Variants in ABCA8 observed in about 807,000 individuals in gnomAD.
The protein encoded by ABCA8 is ABC-type organic anion transporter ABCA8.
In ABCA8, 177 loss-of-function variants were observed where a neutral mutation model predicts 192.3. That is an observed-to-expected ratio of 0.92 (90% CI 0.81 to 1.04). The LOEUF (loss-of-function observed/expected upper bound fraction) is 1.04. Ranked by LOEUF, ABCA8 falls within the 50% of genes least tolerant of loss-of-function variation. The pLI, the probability that ABCA8 is intolerant of heterozygous loss-of-function variation, is 0.00. For synonymous variants in ABCA8, 642 were observed against 690.2 expected, an observed-to-expected ratio of 0.93 and a Z score of 1.09; for missense variants, 1,915 against 1,904.8, an observed-to-expected ratio of 1.01 and a Z score of -0.10.
chr17:68,927,576 A>G (rs775122139), intron 10 of ABCA8, among the ~76,000 whole-genome samples: 4 of 152,148 alleles, frequency 2.6e-5, no homozygotes, highest in Non-Finnish European at 4.4e-5. Context: ...CCATCGAGCT[A>G]AACAGTTAGA....
intron 27 of ABCA8, 167 bp from the exon 28 acceptor site, chr17:68,884,563 G>T: frequency 7.6e-7 from 1 of 1,316,082 alleles, no homozygotes; most frequent in Non-Finnish European, 9.7e-7. Context: ...TCCTCCCAAG[G>T]TCTATGAGCT....
chr17:68,934,968 A>T (rs1027738816), intron 5 of ABCA8, among the ~76,000 whole-genome samples: 8 of 151,810 alleles, frequency 5.3e-5, no homozygotes, highest in African/African-American at 1.9e-4. Flanking sequence ...AATTCCTATT[A>T]ATGTCCTTTT....
intron 21 of ABCA8, among the ~76,000 whole-genome samples, chr17:68,899,409 G>A (rs2066849139): frequency 6.6e-6 from 1 of 151,896 alleles, no homozygotes; most frequent in South Asian, 2.1e-4. Context: ...GCAGAAGGTG[G>A]AACAATACAT....
At chr17:68,888,383 TA>T (rs886146606) in intron 24 of ABCA8, among the ~76,000 whole-genome samples, 1 of 152,130 alleles carries the variant, frequency 6.6e-6, no homozygotes, top group Non-Finnish European at 1.5e-5. Context: ...TTTTTTCTTT[TA>T]AAAAATACTT....
At position 68,875,677 on chromosome 17, in the gene ABCA8, T is replaced by G. The variant is rs1224784029; in HGVS notation, c.4427A>C (p.His1476Pro). Residue 1476 changes from histidine to proline, a missense_variant, in exon 36 of 40, where the codon CAC becomes CCC. Coordinates refer to ENST00000586539, the MANE Select transcript of ABCA8 (RefSeq NM_001288985.2). ...CACGGCCTCAGCCTCTGCCATGTAG[T>G]GGGTGGTTAGGAGGGCACCCCTTTC... ...NTERGALLTT[H>P]YMAEAEAVCD... 1.9e-6 allele frequency: 3 copies of G among 1,613,982 alleles called. No homozygotes were observed. The Admixed American group carries it at 5.0e-5, about 27-fold the overall frequency.
Position 68,882,000 on chromosome 17 carries a change from A to G in ABCA8, c.3829-20T>C, listed in dbSNP as rs1227325007. 1 of 1,589,732 alleles carries G rather than the reference A, an allele frequency of 6.3e-7. No homozygotes were observed. The highest frequency in any genetic ancestry group is 8.6e-7 in the Non-Finnish European group (1 of 1,158,180). On this transcript the variant is annotated intron_variant, in intron 30 of 39. Transcript: ENST00000586539. ...TGGCTTCTGTAAATGACAAGAAGTT[A>G]TTATGTCAGACCTTAATTCTCTCCA...
At chr17:68,944,357 T>C (rs1978960) in intron 2 of ABCA8, among the ~76,000 whole-genome samples, 8,708 of 53,210 alleles carry the variant, frequency 0.16, 1,099 homozygotes, top group South Asian at 0.3. Context: ...TATATATATA[T>C]ATACACATAT....
Position 68,921,377 on chromosome 17 carries a change from T to G in ABCA8, c.1612+5A>C. ...TAAAAAAAAAGAAAACAAACTAGTT[T>G]GTACCTTTGGTGGGAACAGACAACC... On this transcript the variant is annotated splice_donor_5th_base_variant and intron_variant, in intron 13 of 39. Coordinates refer to ENST00000586539, the MANE Select transcript of ABCA8 (RefSeq NM_001288985.2). 1 of 1,596,066 alleles carries G rather than the reference T, an allele frequency of 6.3e-7. No individual in the cohort carries two copies. The highest frequency in any genetic ancestry group is 8.5e-7 in the Non-Finnish European group (1 of 1,170,116).
chr17:68,954,229 A>G (rs2068652027), intron 1 of ABCA8, among the ~76,000 whole-genome samples: 1 of 121,822 alleles, frequency 8.2e-6, no homozygotes, highest in Non-Finnish European at 1.6e-5. Flanking sequence ...ATGTTTCCCT[A>G]CACTCCACCT....
At chr17:68,923,020 T>C (rs2067587893) in intron 11 of ABCA8, among the ~76,000 whole-genome samples, 1 of 152,130 alleles carries the variant, frequency 6.6e-6, no homozygotes, top group Non-Finnish European at 1.5e-5. Flanking sequence ...TGAAATTAAC[T>C]TATGCTTAGT....
chr17:68,903,939 G>A (rs1422114169), intron 19 of ABCA8, among the ~76,000 whole-genome samples: 2 of 152,102 alleles, frequency 1.3e-5, no homozygotes, highest in Non-Finnish European at 2.9e-5. Flanking sequence ...TTCTGAGACT[G>A]CATTCATTTG....
At position 68,929,591 on chromosome 17, in the gene ABCA8, G is replaced by A; in HGVS notation, c.909C>T (p.Phe303=). 6.2e-7 allele frequency: 1 copy of A among 1,613,736 alleles called. No homozygotes were observed. Among genetic ancestry groups the A allele is most frequent in the Non-Finnish European group, 8.5e-7 (1 of 1,179,784 alleles). The change falls in exon 8 of 40, where the codon TTC becomes TTT. Residue 303 remains phenylalanine (F), a synonymous_variant. Transcript: ENST00000586539. ...ATAATCCATACAGGAGAAAGAGGCT[G>A]AAGACTACCATGAAGCCAGACAAAA... ...FIILSGFMVV[F]SLFLLYGLSL... is the part of the protein sequence containing the mutation.
chr17:68,950,594 T>G (rs1368702274), intron 1 of ABCA8, among the ~76,000 whole-genome samples: 7 of 152,222 alleles, frequency 4.6e-5, no homozygotes, highest in Middle Eastern at 3.2e-3. Flanking sequence ...TTAATGGCCT[T>G]TTAAACAAAA....
rs187482934 is a variant in ABCA8 at position 68,935,592 on chromosome 17, G to A, written c.466+1359C>T. 3.4e-3 allele frequency among the ~76,000 whole-genome samples: 372 copies of A among 110,582 alleles called. 3 individuals carry two copies. The highest frequency in any genetic ancestry group is 0.012 in the African/African-American group (343 of 28,086). The allele number at this position is 110,582 out of a possible 152,430, so 72.5% of individuals were successfully genotyped here. A position where few individuals can be genotyped will look rare whatever the true frequency, so the allele number is the denominator to read the frequency against. On this transcript the variant is annotated intron_variant, in intron 5 of 39. Coordinates refer to ENST00000586539, the MANE Select transcript of ABCA8 (RefSeq NM_001288985.2). ...TATTATCTTCTTTATCCAGCCCTCT[G>A]TTGATGGACACTTATGTTAATTCTC...
chr17:68,917,958 A>C, intron 16 of ABCA8, 89 bp downstream of exon 16: 3 of 1,484,560 alleles, frequency 2.0e-6, no homozygotes, highest in Non-Finnish European at 2.7e-6. Context: ...AGATTACCGA[A>C]TTACAAAATA....
At chr17:68,889,891 T>C (rs1394107311) in intron 24 of ABCA8, among the ~76,000 whole-genome samples, 2 of 152,236 alleles carry the variant, frequency 1.3e-5, no homozygotes, top group South Asian at 2.1e-4. Context: ...GTTCCTTCTG[T>C]TATACTGCTG....
At chr17:68,880,661 C>T (rs935894727) in intron 32 of ABCA8, 12 of 168,700 alleles carry the variant, frequency 7.1e-5, no homozygotes, top group Non-Finnish European at 1.1e-4. Context: ...ATGGAGGTGG[C>T]GCCTGTGCCA....
At chr17:68,933,309 C>T (rs747307127) in intron 5 of ABCA8, 38 bp from the exon 6 acceptor site, 1 of 1,281,514 alleles carries the variant, frequency 7.8e-7, no homozygotes, top group Non-Finnish European at 1.1e-6. Flanking sequence ...CATTACATCA[C>T]TATCTATATT....
At chr17:68,897,960 T>C (rs947600411) in intron 21 of ABCA8, among the ~76,000 whole-genome samples, 1 of 152,100 alleles carries the variant, frequency 6.6e-6, no homozygotes, top group Non-Finnish European at 1.5e-5. Flanking sequence ...ACTGAAAACT[T>C]ACCAAATTTA....
Sources: gnomAD v4.1 joint callset for allele counts (sites outside exome capture counted in the v4.1 genomes callset) on GRCh38, gnomAD v4.1.1 for gene constraint, MANE v1.5 for transcripts, NCBI Gene and HGNC (gene_info 2026-07-23, HGNC 2026-07-21) for gene names.